PLPP4: variants seen among roughly 807,000 people sequenced by gnomAD.
The protein encoded by PLPP4 is diacylglycerol pyrophosphate like 2.
A neutral mutation model predicts 32.2 loss-of-function variants in PLPP4; 20 were observed. That is an observed-to-expected ratio of 0.62 (90% CI 0.44 to 0.90). The LOEUF is 0.90. Among genes scored for constraint, PLPP4 ranks in the 40% least tolerant of loss-of-function variants. The probability of loss-of-function intolerance (pLI) is 0.00; values close to 1 mark genes in which losing one functional copy is unlikely to be tolerated. For missense variants in PLPP4, 257 were observed against 353.1 expected (o/e 0.73, Z 2.18); for synonymous variants, 127 against 133.0 (o/e 0.95, Z 0.31).
chr10:120,486,585 C>T (rs1334823624), intron 1 of PLPP4, among the ~76,000 whole-genome samples: 3 of 152,230 alleles, frequency 2.0e-5, no homozygotes, highest in Non-Finnish European at 4.4e-5. Context: ...TAAATGCCAG[C>T]TGTTACACGT....
chr10:120,529,515 G>GA (rs140549766), intron 5 of PLPP4, among the ~76,000 whole-genome samples: 11,413 of 151,968 alleles, frequency 0.075, 530 homozygotes, highest in Middle Eastern at 0.15. Flanking sequence ...TGATTTCTAT[G>GA]AAAAAAAGAT....
intron 5 of PLPP4, among the ~76,000 whole-genome samples, chr10:120,535,982 G>C (rs576656125): frequency 1.4e-4 from 22 of 152,162 alleles, no homozygotes; most frequent in Non-Finnish European, 2.6e-4. Context: ...ATTACCATGT[G>C]TCCTTTGTAA....
chr10:120,483,422 C>T (rs752751901), intron 1 of PLPP4, among the ~76,000 whole-genome samples: 2 of 152,168 alleles, frequency 1.3e-5, no homozygotes, highest in Non-Finnish European at 2.9e-5. Context: ...AATACATTCT[C>T]TTAGGGGTCT....
intron 5 of PLPP4, among the ~76,000 whole-genome samples, chr10:120,527,834 A>G (rs1846477206): frequency 6.6e-6 from 1 of 152,152 alleles, no homozygotes. Context: ...ATGAATTGAG[A>G]AATTATCACA....
chr10:120,536,798 A>G (rs1220117081), intron 5 of PLPP4, among the ~76,000 whole-genome samples: 1 of 152,170 alleles, frequency 6.6e-6, no homozygotes, highest in East Asian at 1.9e-4. Context: ...TGCAAACTGT[A>G]TATCAAATAA....
At chr10:120,522,943 T>C (rs1846223024) in intron 5 of PLPP4, among the ~76,000 whole-genome samples, 1 of 152,248 alleles carries the variant, frequency 6.6e-6, no homozygotes, top group South Asian at 2.1e-4. Context: ...AGTTCAGATC[T>C]GGAGATGAGA....
chr10:120,461,170 C>T (rs1304805358), intron 1 of PLPP4, among the ~76,000 whole-genome samples: 1 of 152,168 alleles, frequency 6.6e-6, no homozygotes, highest in African/African-American at 2.4e-5. Flanking sequence ...TTCACACTTC[C>T]TAAAAGATGG....
intron 5 of PLPP4, among the ~76,000 whole-genome samples, chr10:120,522,323 G>A (rs1215834677): frequency 6.6e-6 from 1 of 152,128 alleles, no homozygotes; most frequent in African/African-American, 2.4e-5. Context: ...TTGAAGAATA[G>A]GGCCTGTCAA....
At chr10:120,502,981 G>A (rs571328108) in intron 1 of PLPP4, among the ~76,000 whole-genome samples, 1 of 152,272 alleles carries the variant, frequency 6.6e-6, no homozygotes, top group South Asian at 2.1e-4. Flanking sequence ...CCTGCCCACA[G>A]GTTCTCCATG....
At position 120,501,552 on chromosome 10, in the gene PLPP4, A is replaced by G. The variant is rs538174581; in HGVS notation, c.57-2266A>G. Among the ~76,000 whole-genome samples, 13 of 152,358 alleles carry G rather than the reference A, an allele frequency of 8.5e-5. No homozygotes were observed. In the South Asian group the frequency reaches 2.7e-3, roughly 32 times the overall value. ...GAAACTGAGGCTCAGAAAATGTTAAATGACTCATTATGTGCCACATAGCCA... is the reference window on the plus strand; with the variant it reads ...GAAACTGAGGCTCAGAAAATGTTAAGTGACTCATTATGTGCCACATAGCCA... On this transcript the variant is annotated intron_variant, in intron 1 of 6. Transcript: ENST00000398250.
rs1197790450 is a variant in PLPP4 at position 120,457,272 on chromosome 10, C to A, written c.-34C>A. 11 of 1,468,252 alleles carry A rather than the reference C, an allele frequency of 7.5e-6. No individual in the cohort carries two copies. In the African/African-American group the frequency reaches 1.5e-4, roughly 19 times the overall value. 91.0% of individuals were successfully genotyped at this position (1,468,252 alleles called of 1,614,324 possible). On this transcript the variant is annotated 5_prime_UTR_variant, in exon 1 of 7. Transcript: ENST00000398250. Reference sequence around the variant, plus strand: ...GAGCTGCGGGAGCCGCGGAGAGCACCAGCTGACGCCGCGGGAGCTGCTCCG... The same window carrying A: ...GAGCTGCGGGAGCCGCGGAGAGCACAAGCTGACGCCGCGGGAGCTGCTCCG...
Position 120,499,890 on chromosome 10 carries a change from G to T in PLPP4, c.57-3928G>T, listed in dbSNP as rs567749395. On this transcript the variant is annotated intron_variant, in intron 1 of 6. Transcript: ENST00000398250. Reference sequence around the variant, plus strand: ...AGAGCTTGTGGGAGGATGTTTCCAGGCCTGGGCATGTCCTCTCTTGGGAAC... The same window carrying T: ...AGAGCTTGTGGGAGGATGTTTCCAGTCCTGGGCATGTCCTCTCTTGGGAAC... Among the ~76,000 whole-genome samples, 5 of 152,184 alleles carry T rather than the reference G, an allele frequency of 3.3e-5. No homozygotes were observed. In the South Asian group the frequency reaches 1.0e-3, roughly 32 times the overall value.
intron 5 of PLPP4, among the ~76,000 whole-genome samples, chr10:120,558,488 G>A (rs894410093): frequency 3.4e-5 from 5 of 148,034 alleles, no homozygotes; most frequent in Admixed American, 1.4e-4. Flanking sequence ...AGGTCACTGC[G>A]ACCTGCAACC....
chr10:120,560,632 G>A (rs1258214801), intron 5 of PLPP4, among the ~76,000 whole-genome samples: 2 of 152,116 alleles, frequency 1.3e-5, no homozygotes, highest in African/African-American at 4.8e-5. Context: ...GTGTGCACCT[G>A]TAATCCCAGC....
chr10:120,566,387 G>GT (rs1485155892), intron 5 of PLPP4, among the ~76,000 whole-genome samples: 1 of 152,220 alleles, frequency 6.6e-6, no homozygotes, highest in South Asian at 2.1e-4. Context: ...CCCACTTAAG[G>GT]TTTTTTGGAG....
intron 3 of PLPP4, among the ~76,000 whole-genome samples, chr10:120,517,865 A>C (rs1460264619): frequency 1.3e-5 from 2 of 152,086 alleles, no homozygotes; most frequent in Non-Finnish European, 2.9e-5. Flanking sequence ...CTTCCCGAAA[A>C]TGCCCCCATT....
rs76745591 is a variant in PLPP4 at position 120,576,886 on chromosome 10, C to T, written c.616+1585C>T. ...CATTGGAACTGGGAATATGTTCCCG[C>T]AGAATTGTTTCCCACCTATGTGAGT... On this transcript the variant is annotated intron_variant, in intron 6 of 6. Transcript: ENST00000398250. 7.5e-3 allele frequency among the ~76,000 whole-genome samples: 1,136 copies of T among 152,338 alleles called. 11 individuals are homozygous for T. The highest frequency in any genetic ancestry group is 0.026 in the African/African-American group (1,074 of 41,566).
chr10:120,463,148 C>T (rs1848144934), intron 1 of PLPP4, among the ~76,000 whole-genome samples: 2 of 151,694 alleles, frequency 1.3e-5, no homozygotes, highest in Non-Finnish European at 2.9e-5. Context: ...CTGCCTCAGC[C>T]TCCCAGTAGC....
chr10:120,489,277 C>A (rs1844602480), intron 1 of PLPP4, among the ~76,000 whole-genome samples: 1 of 152,168 alleles, frequency 6.6e-6, no homozygotes. Flanking sequence ...ACACATTGAC[C>A]ACACAGATGC....
Sources: allele counts gnomAD v4.1 joint callset (sites outside exome capture counted in the v4.1 genomes callset), GRCh38; gene constraint gnomAD v4.1.1; transcripts MANE v1.5; gene names NCBI Gene and HGNC (gene_info 2026-07-23, HGNC 2026-07-21).